UBAP2L: variants seen among roughly 807,000 people sequenced by gnomAD.
UBAP2L encodes the protein ubiquitin associated protein 2 like.
In UBAP2L, 12 loss-of-function variants were observed where a neutral mutation model predicts 130.6. The observed-to-expected ratio is 0.09, with a 90% CI of 0.06 to 0.15. The LOEUF (loss-of-function observed/expected upper bound fraction) is 0.15. Among genes scored for constraint, UBAP2L ranks in the 10% least tolerant of loss-of-function variants. The probability of loss-of-function intolerance (pLI) is 1.00; values close to 1 mark genes in which losing one functional copy is unlikely to be tolerated. For missense variants in UBAP2L, 965 were observed against 1,332.5 expected (o/e 0.72, Z 4.29); for synonymous variants, 503 against 524.7 (o/e 0.96, Z 0.57).
intron 6 of UBAP2L, among the ~76,000 whole-genome samples, chr1:154,235,587 G>A (rs1045048330): frequency 6.6e-6 from 1 of 152,086 alleles, no homozygotes; most frequent in African/African-American, 2.4e-5. Context: ...TTGGCTCACT[G>A]CAACCTCTGC....
intron 4 of UBAP2L, among the ~76,000 whole-genome samples, chr1:154,233,835 A>G (rs1670723212): frequency 6.7e-6 from 1 of 148,334 alleles, no homozygotes; most frequent in South Asian, 2.1e-4. Context: ...GATGCTATAA[A>G]AAGTTGTGGG....
chr1:154,231,304 T>C (rs1669769178), intron 4 of UBAP2L, among the ~76,000 whole-genome samples: 1 of 139,770 alleles, frequency 7.2e-6, no homozygotes, highest in Admixed American at 7.3e-5. Flanking sequence ...TTTTTTTTTC[T>C]TTTTTCTTTT....
At position 154,257,451 on chromosome 1, in the gene UBAP2L, G is replaced by A; in HGVS notation, c.2442+17G>A. ...GCCTACCCGGTAAGTGGGACTAAAG[G>A]ATCTTCTTCAAAAGGTGAGGATGTT... On this transcript the variant is annotated intron_variant, in intron 20 of 26. Coordinates refer to ENST00000428931, the MANE Select transcript of UBAP2L (RefSeq NM_014847.4). 6.2e-7 allele frequency: 1 copy of A among 1,611,908 alleles called. No homozygotes were observed. The highest frequency in any genetic ancestry group is 8.5e-7 in the Non-Finnish European group (1 of 1,179,658).
At chr1:154,233,011 T>G (rs1300479732) in intron 4 of UBAP2L, among the ~76,000 whole-genome samples, 1 of 151,530 alleles carries the variant, frequency 6.6e-6, no homozygotes, top group Non-Finnish European at 1.5e-5. Context: ...CAGCCTTACC[T>G]TTTTTTCTTT....
rs763997508 is a variant in UBAP2L at position 154,261,574 on chromosome 1, G to T, written c.2797-18G>T. 1.2e-6 allele frequency: 2 copies of T among 1,612,890 alleles called. No homozygotes were observed. The highest frequency in any genetic ancestry group is 1.1e-5 in the South Asian group (1 of 91,036). On this transcript the variant is annotated intron_variant, in intron 23 of 26. Transcript: ENST00000428931. ...TCTGCTGCCAAGTCACTGCAAATCT[G>T]GCCTTTTTGCTCTTTAGGTGGCTCC...
At chr1:154,236,996 A>G (rs774990202) in intron 7 of UBAP2L, 28 bp from the exon 8 acceptor site, 1 of 1,576,224 alleles carries the variant, frequency 6.3e-7, no homozygotes, top group Non-Finnish European at 8.7e-7. Context: ...CTTAGAGGTC[A>G]GAGACTCTTA....
At position 154,251,602 on chromosome 1, in the gene UBAP2L, C is replaced by T. The variant is rs1571857623; in HGVS notation, c.1613C>T (p.Thr538Met). ...VLSDYESTPT[T>M]SASSSQAPSS... Reference sequence around the variant, plus strand: ...TCTGATTATGAGTCCACCCCCACCACGAGCGCCTCTTCAAGCCAGGCTCCA... The same window carrying T: ...TCTGATTATGAGTCCACCCCCACCATGAGCGCCTCTTCAAGCCAGGCTCCA... The change falls in exon 14 of 27, where the codon ACG becomes ATG. Residue 538 changes from threonine (T) to methionine (M), a missense_variant. By Grantham distance (81) the Thr-to-Met change is moderately conservative. This residue lies in a region of UBAP2L where 393 missense variants were observed against 408.1 expected (regional missense o/e 0.96). Transcript: ENST00000428931. 5 of 1,613,992 alleles carry T rather than the reference C, an allele frequency of 3.1e-6. No homozygotes were observed. Among genetic ancestry groups the T allele is most frequent in the African/African-American group, 1.3e-5 (1 of 74,894 alleles).
intron 3 of UBAP2L, among the ~76,000 whole-genome samples, chr1:154,227,783 A>G (rs1326442409): frequency 6.6e-6 from 1 of 152,012 alleles, no homozygotes; most frequent in Non-Finnish European, 1.5e-5. Flanking sequence ...CCTGACCTCA[A>G]GTGATCTGCC....
intron 11 of UBAP2L, among the ~76,000 whole-genome samples, chr1:154,247,523 G>T (rs1675922438): frequency 6.6e-6 from 1 of 152,180 alleles, no homozygotes; most frequent in Admixed American, 6.5e-5. Flanking sequence ...CCCTCTTAAT[G>T]TCTGGAATTG....
intron 13 of UBAP2L, 51 bp from the exon 14 acceptor site, chr1:154,251,430 T>A (rs1387010067): frequency 6.3e-7 from 1 of 1,591,980 alleles, no homozygotes; most frequent in African/African-American, 1.4e-5. Flanking sequence ...TTTTAGTCTT[T>A]AGTAAGGTTG....
At chr1:154,252,558 G>T (rs1177183758) in intron 14 of UBAP2L, among the ~76,000 whole-genome samples, 1 of 151,874 alleles carries the variant, frequency 6.6e-6, no homozygotes, top group Non-Finnish European at 1.5e-5. Flanking sequence ...TGGGATTACA[G>T]TCATGAGGCA....
At chr1:154,233,935 T>C (rs942499336) in intron 4 of UBAP2L, among the ~76,000 whole-genome samples, 1 of 146,760 alleles carries the variant, frequency 6.8e-6, no homozygotes, top group Non-Finnish European at 1.5e-5. Flanking sequence ...ACTTGGTCCT[T>C]TGACTAATAT....
Position 154,254,053 on chromosome 1 carries a change from CTCT to C in UBAP2L, c.1821_1823del (p.Ser609del). On this transcript the variant is annotated inframe_deletion, in exon 15 of 27. Coordinates refer to ENST00000428931, the MANE Select transcript of UBAP2L (RefSeq NM_014847.4). The stretch of plus-strand genomic sequence containing the variant: ...AGACTCGGCGGTACCCCAGCTCCAT[CTCT>C]TCATCACCCCAAAAGGACCTGACTC... 1.3e-6 allele frequency: 2 copies of C among 1,597,318 alleles called. No homozygotes were observed. The highest frequency in any genetic ancestry group is 1.1e-5 in the South Asian group (1 of 88,448).
intron 26 of UBAP2L, 105 bp from the exon 27 acceptor site, chr1:154,270,095 A>G (rs1216776950): frequency 1.5e-6 from 2 of 1,373,426 alleles, no homozygotes; most frequent in South Asian, 1.5e-5. Context: ...AGTGAGGGGA[A>G]TGGGAGAGCA....
At position 154,251,380 on chromosome 1, in the gene UBAP2L, A is replaced by T. The variant is rs534717925; in HGVS notation, c.1491+62A>T. The T allele has an allele frequency of 1.7e-5, 27 of 1,578,390 alleles. No individual in the cohort carries two copies. The African/African-American group carries it at 3.0e-4, about 18-fold the overall frequency. ...AGGGGTGTGGGGCTTGAGAATTGAG[A>T]TTAAAAGGGTAAGTTTGGAAATTTA... On this transcript the variant is annotated intron_variant, in intron 13 of 26. Coordinates refer to ENST00000428931, the MANE Select transcript of UBAP2L (RefSeq NM_014847.4).
chr1:154,225,038 A>G (rs1487579827), intron 1 of UBAP2L, 46 bp from the exon 2 acceptor site: 1 of 1,350,694 alleles, frequency 7.4e-7, no homozygotes, highest in Non-Finnish European at 1.0e-6. Context: ...AGTTAAAAAC[A>G]TATTTTGCCC....
intron 3 of UBAP2L, among the ~76,000 whole-genome samples, chr1:154,228,392 G>A (rs2148512599): frequency 6.6e-6 from 1 of 152,178 alleles, no homozygotes; most frequent in Middle Eastern, 3.4e-3. Flanking sequence ...TAATCATTTT[G>A]GTCAGGTTGG....
intron 4 of UBAP2L, among the ~76,000 whole-genome samples, chr1:154,233,471 C>T (rs1418355604): frequency 3.3e-5 from 5 of 151,844 alleles, no homozygotes; most frequent in Admixed American, 6.6e-5. Flanking sequence ...ATTACAGGTG[C>T]GCACCACCAC....
rs151079440 is a variant in UBAP2L, at chr1:154,254,313, T to C, written c.1854+224T>C. Among the ~76,000 whole-genome samples the C allele has an allele frequency of 1.7e-3, 257 of 152,334 alleles. 1 individual carries two copies. Among genetic ancestry groups the C allele is most frequent in the Middle Eastern group, 3.4e-3 (1 of 294 alleles). On this transcript the variant is annotated intron_variant, in intron 15 of 26. Transcript: ENST00000428931. ...CCATTCTCTTTGTACTAAAAATTCA[T>C]TGCCTCTAGTAGAATCAGTCTCAAG...
Sources: allele counts gnomAD v4.1 joint callset (sites outside exome capture counted in the v4.1 genomes callset), GRCh38; gene constraint gnomAD v4.1.1; regional missense constraint gnomAD v4.1.1; transcripts MANE v1.5; gene names NCBI Gene and HGNC (gene_info 2026-07-23, HGNC 2026-07-21).